TENM2: variants seen among roughly 807,000 people sequenced by gnomAD.
TENM2 encodes teneurin transmembrane protein 2.
Under a neutral mutation model 245.2 loss-of-function variants are expected in TENM2, and 52 were observed. The observed-to-expected ratio is 0.21, with a 90% CI of 0.17 to 0.27. The LOEUF (loss-of-function observed/expected upper bound fraction) is 0.27. Ranked by LOEUF, TENM2 falls within the 10% of genes least tolerant of loss-of-function variation. The probability of loss-of-function intolerance (pLI) is 1.00; values close to 1 mark genes in which losing one functional copy is unlikely to be tolerated. For synonymous variants in TENM2, 1,363 were observed against 1,438.9 expected (o/e 0.95, Z 1.19); for missense variants, 3,046 against 3,666.8 (o/e 0.83, Z 4.37).
intron 5 of TENM2, among the ~76,000 whole-genome samples, chr5:168,008,725 T>C (rs1016523108): frequency 6.6e-6 from 1 of 152,210 alleles, no homozygotes; most frequent in Non-Finnish European, 1.5e-5. Context: ...GTACCTAATA[T>C]GGCCTTAAGG....
the TENM2 span, among the ~76,000 whole-genome samples, chr5:167,077,372 A>G: frequency 6.6e-6 from 1 of 152,172 alleles, no homozygotes; most frequent in Admixed American, 6.6e-5. Context: ...TTTAACCATC[A>G]AAAGTAAAGT....
At chr5:167,820,190 G>A (rs1334515717) in intron 2 of TENM2, among the ~76,000 whole-genome samples, 1 of 152,106 alleles carries the variant, frequency 6.6e-6, no homozygotes, top group Non-Finnish European at 1.5e-5. Context: ...GATGAGTTGG[G>A]ACACGCCTCA....
At chr5:168,186,679 G>A (rs1251029246) in intron 13 of TENM2, 1 of 152,138 alleles carries the variant, frequency 6.6e-6, no homozygotes, top group Non-Finnish European at 1.5e-5. Context: ...TAACAAATAA[G>A]TAGGTAGATA....
At chr5:167,988,101 A>T (rs912977977) in intron 4 of TENM2, among the ~76,000 whole-genome samples, 1 of 152,114 alleles carries the variant, frequency 6.6e-6, no homozygotes, top group Non-Finnish European at 1.5e-5. Context: ...CTGTGGAGGG[A>T]TCTGGCCTTG....
At chr5:167,161,298 C>G in the TENM2 span, among the ~76,000 whole-genome samples, 5 of 152,192 alleles carry the variant, frequency 3.3e-5, no homozygotes, top group Non-Finnish European at 7.3e-5. Flanking sequence ...ATGGGAATCA[C>G]TCGACTATAC....
the TENM2 span, among the ~76,000 whole-genome samples, chr5:167,188,135 C>G: frequency 3.3e-5 from 5 of 152,284 alleles, no homozygotes; most frequent in East Asian, 9.7e-4. Context: ...ATGGTGGTCT[C>G]TGCTGGGTCC....
At chr5:166,979,765 A>G in the TENM2 span, among the ~76,000 whole-genome samples, 1 of 96,950 alleles carries the variant, frequency 1.0e-5, no homozygotes, top group African/African-American at 4.2e-5. Flanking sequence ...GGAGGTCATC[A>G]TTAGTTGCAT....
At chr5:167,137,147 T>C in the TENM2 span, among the ~76,000 whole-genome samples, 3 of 152,120 alleles carry the variant, frequency 2.0e-5, no homozygotes, top group Admixed American at 6.5e-5. Flanking sequence ...CAACATGACC[T>C]CCTCTAATCC....
intron 1 of TENM2, among the ~76,000 whole-genome samples, chr5:167,331,192 T>C (rs993353612): frequency 7.5e-6 from 1 of 134,194 alleles, no homozygotes; most frequent in Non-Finnish European, 1.5e-5. Flanking sequence ...GCCGAGATCA[T>C]GCTACTGCAC....
chr5:167,010,929 C>T, the TENM2 span, among the ~76,000 whole-genome samples: 1 of 152,046 alleles, frequency 6.6e-6, no homozygotes, highest in Non-Finnish European at 1.5e-5. Flanking sequence ...AATATTACAC[C>T]GTTTATAGCC....
intron 1 of TENM2, among the ~76,000 whole-genome samples, chr5:167,310,452 G>A (rs542467670): frequency 2.0e-5 from 3 of 152,028 alleles, no homozygotes; most frequent in Non-Finnish European, 2.9e-5. Flanking sequence ...GCTATCACCT[G>A]GCACTTGTTT....
At chr5:167,646,371 A>T (rs953765583) in intron 2 of TENM2, among the ~76,000 whole-genome samples, 1 of 151,704 alleles carries the variant, frequency 6.6e-6, no homozygotes, top group Non-Finnish European at 1.5e-5. Flanking sequence ...GGTATCAGTG[A>T]AATGGGTCAT....
chr5:167,708,189 A>T (rs1758662892), intron 2 of TENM2, among the ~76,000 whole-genome samples: 1 of 152,156 alleles, frequency 6.6e-6, no homozygotes, highest in Non-Finnish European at 1.5e-5. Flanking sequence ...TACAAAGAAG[A>T]GTTATCACAA....
rs533365250 is a variant in TENM2, at chr5:167,763,691, T to C, written c.503-112295T>C. 1.2e-3 allele frequency among the ~76,000 whole-genome samples: 179 copies of C among 152,292 alleles called. 1 individual carries two copies. Among genetic ancestry groups the C allele is most frequent in the African/African-American group, 4.1e-3 (169 of 41,556 alleles). On this transcript the variant is annotated intron_variant, in intron 2 of 28. Coordinates refer to ENST00000518659, the Ensembl canonical transcript of TENM2. ...GTCTTGAATAAATGATAAATGGCAG[T>C]GCGCGCTTCTAACTTTTCATGAATT...
the TENM2 span, among the ~76,000 whole-genome samples, chr5:167,037,145 G>A: frequency 6.6e-6 from 1 of 152,186 alleles, no homozygotes; most frequent in Non-Finnish European, 1.5e-5. Context: ...AAGATTGGGT[G>A]CATAATGAAT....
chr5:167,471,026 C>A (rs2127510589), intron 2 of TENM2, among the ~76,000 whole-genome samples: 1 of 152,284 alleles, frequency 6.6e-6, no homozygotes, highest in East Asian at 1.9e-4. Flanking sequence ...CCTTAGTTTT[C>A]TCATCTGTCA....
chr5:167,629,475 GTT>G (rs1367062817), intron 2 of TENM2, among the ~76,000 whole-genome samples: 1 of 152,174 alleles, frequency 6.6e-6, no homozygotes, highest in Non-Finnish European at 1.5e-5. Flanking sequence ...ACAATGCCAT[GTT>G]GGTACATATT....
At chr5:167,124,478 A>G in the TENM2 span, among the ~76,000 whole-genome samples, 2 of 152,218 alleles carry the variant, frequency 1.3e-5, no homozygotes, top group African/African-American at 4.8e-5. Context: ...GTAGGCATTC[A>G]ATATACAACT....
At chr5:168,125,094 C>A (rs765851142) in intron 11 of TENM2, 44 bp downstream of exon 13, 3 of 1,520,780 alleles carry the variant, frequency 2.0e-6, no homozygotes, top group Admixed American at 1.9e-5. Flanking sequence ...ACACTCCTGC[C>A]CTGTGTTCCA....
Sources: gnomAD v4.1 joint callset for allele counts (sites outside exome capture counted in the v4.1 genomes callset) on GRCh38, gnomAD v4.1.1 for gene constraint, MANE v1.5 for transcripts, NCBI Gene and HGNC (gene_info 2026-07-23, HGNC 2026-07-21) for gene names.